The following GNB1 variants were observed in gnomAD, a reference collection of about 807,000 sequenced individuals.
GNB1 encodes G protein subunit beta 1.
Under a neutral mutation model 42.9 loss-of-function variants are expected in GNB1, and 2 were observed. The ratio of observed to expected loss-of-function variants is 0.05; its 90% CI spans 0.02 to 0.15. GNB1 has a LOEUF of 0.15. Among genes scored for constraint, GNB1 ranks in the 10% least tolerant of loss-of-function variants. GNB1 has a pLI of 1.00. For synonymous variants in GNB1, 183 were observed against 174.7 expected (o/e 1.05, Z -0.38); for missense variants, 193 against 462.2 (o/e 0.42, Z 5.34).
intron 2 of GNB1, among the ~76,000 whole-genome samples, chr1:1,828,962 C>T (rs1647037581): frequency 6.6e-6 from 1 of 152,040 alleles, no homozygotes; most frequent in South Asian, 2.1e-4. Flanking sequence ...CCTCTTCAGT[C>T]CACACATAGA....
intron 3 of GNB1, among the ~76,000 whole-genome samples, chr1:1,824,408 T>G (rs1646969962): frequency 6.6e-6 from 1 of 152,050 alleles, no homozygotes; most frequent in Non-Finnish European, 1.5e-5. Context: ...GCCACTGCAC[T>G]CCAGCCTGGG....
chr1:1,890,045 G>A (rs1650390359), intron 1 of GNB1, among the ~76,000 whole-genome samples: 1 of 152,022 alleles, frequency 6.6e-6, no homozygotes, highest in Admixed American at 6.5e-5. Context: ...CGGTGGGAGC[G>A]CCATCTTGGC....
At position 1,852,686 on chromosome 1, in the gene GNB1, G is replaced by GAAA. The variant is rs796226364; in HGVS notation, c.-95-13451_-95-13449dup. On this transcript the variant is annotated intron_variant, in intron 1 of 11. Transcript: ENST00000378609. Reference sequence around the variant, plus strand: ...GCAACAGTGAGACTCTGTCTCTTAAGAAAAAAAAAAAAAAGTGAATGTCTT... The same window carrying GAAA: ...GCAACAGTGAGACTCTGTCTCTTAAGAAAAAAAAAAAAAAAAAGTGAATGTCTT... 8.6e-3 allele frequency among the ~76,000 whole-genome samples: 1,140 copies of GAAA among 132,186 alleles called. 17 individuals carry two copies. The highest frequency in any genetic ancestry group is 0.031 in the African/African-American group (1,096 of 35,830). The allele number at this position is 132,186 out of a possible 152,430, so 86.7% of individuals were successfully genotyped here.
intron 1 of GNB1, among the ~76,000 whole-genome samples, chr1:1,865,200 G>A (rs1312248432): frequency 7.0e-6 from 1 of 143,444 alleles, no homozygotes; most frequent in Non-Finnish European, 1.5e-5. Flanking sequence ...AGGCAGAGGT[G>A]GCAGTGAGCA....
At chr1:1,879,843 T>C (rs1649745802) in intron 1 of GNB1, among the ~76,000 whole-genome samples, 1 of 152,184 alleles carries the variant, frequency 6.6e-6, no homozygotes, top group Non-Finnish European at 1.5e-5. Flanking sequence ...CTCAGCCTGA[T>C]GCAATACACA....
At chr1:1,789,618 G>A (rs553572214) in intron 9 of GNB1, among the ~76,000 whole-genome samples, 1 of 151,974 alleles carries the variant, frequency 6.6e-6, no homozygotes, top group Non-Finnish European at 1.5e-5. Flanking sequence ...CTTGAAACCG[G>A]GAGGCGGCGG....
intron 7 of GNB1, among the ~76,000 whole-genome samples, chr1:1,799,570 CCCAGCGATGG>C (rs1449919913): frequency 6.6e-6 from 1 of 152,174 alleles, no homozygotes; most frequent in East Asian, 1.9e-4. Flanking sequence ...TGGCTGGACT[CCCAGCGATGG>C]CCAGGGGCTC....
At chr1:1,795,663 G>A (rs1646536490) in intron 7 of GNB1, among the ~76,000 whole-genome samples, 2 of 152,240 alleles carry the variant, frequency 1.3e-5, no homozygotes, top group Middle Eastern at 3.4e-3. Flanking sequence ...TGAGGCAGGA[G>A]AATCGCTTGA....
chr1:1,880,988 C>T (rs1268165609), intron 1 of GNB1, among the ~76,000 whole-genome samples: 2 of 149,954 alleles, frequency 1.3e-5, no homozygotes, highest in East Asian at 3.9e-4. Context: ...GGAAGGGATA[C>T]ATGACAAATG....
At chr1:1,825,537 T>C (rs1490567759) in intron 2 of GNB1, 38 bp from the exon 3 acceptor site, 2 of 1,023,170 alleles carry the variant, frequency 2.0e-6, no homozygotes, top group African/African-American at 1.6e-5. Flanking sequence ...TAAACAACTG[T>C]TGGATAATTT....
chr1:1,802,232 CAT>C (rs1478442805), intron 7 of GNB1, among the ~76,000 whole-genome samples: 2 of 152,080 alleles, frequency 1.3e-5, no homozygotes, highest in Non-Finnish European at 2.9e-5. Flanking sequence ...AACAAAAACA[CAT>C]ATCATTCCCA....
intron 3 of GNB1, chr1:1,824,998 ACT>A (rs889784552): frequency 6.1e-6 from 1 of 163,584 alleles, no homozygotes. Context: ...TACCTGAAAT[ACT>A]TTTTTTATTG....
intron 1 of GNB1, among the ~76,000 whole-genome samples, chr1:1,874,463 C>G (rs535128967): frequency 6.6e-6 from 1 of 151,790 alleles, no homozygotes; most frequent in African/African-American, 2.4e-5. Context: ...CAGAGAAAGC[C>G]GGGCGTGGCG....
intron 1 of GNB1, among the ~76,000 whole-genome samples, chr1:1,877,732 A>G (rs1013675290): frequency 2.0e-4 from 31 of 152,284 alleles, no homozygotes; most frequent in African/African-American, 7.0e-4. Flanking sequence ...ATCTCCAGAG[A>G]AAGGATAGGA....
In GNB1 at chr1:1,786,735, C is replaced by T. The variant is rs1646411845; in HGVS notation, c.*328G>A. ...CTGGTGGAAAAGTGTGTCTGTCTGACAATTACACTCAAGTTTACCTTCTGG... is the reference window on the plus strand; with the variant it reads ...CTGGTGGAAAAGTGTGTCTGTCTGATAATTACACTCAAGTTTACCTTCTGG... On this transcript the variant is annotated 3_prime_UTR_variant, in exon 12 of 12. Transcript: ENST00000378609. 1 of 152,226 alleles carries T rather than the reference C, an allele frequency of 6.6e-6. No individual in the cohort carries two copies. Among genetic ancestry groups the T allele is most frequent in the Non-Finnish European group, 1.5e-5 (1 of 68,054 alleles). The allele number at this position is 152,226 out of a possible 1,614,324, so 9.4% of individuals were successfully genotyped here.
intron 1 of GNB1, among the ~76,000 whole-genome samples, chr1:1,880,303 TTAATATGATTATG>T (rs1649769901): frequency 6.6e-6 from 1 of 152,206 alleles, no homozygotes; most frequent in Non-Finnish European, 1.5e-5. Flanking sequence ...AAATAACATC[TTAATATGATTATG>T]AAGGCCGGAC....
At chr1:1,870,838 T>G (rs1649207591) in intron 1 of GNB1, among the ~76,000 whole-genome samples, 1 of 152,070 alleles carries the variant, frequency 6.6e-6, no homozygotes, top group Non-Finnish European at 1.5e-5. Flanking sequence ...CTCGGGAGGC[T>G]GAGGCAGGAG....
chr1:1,817,906 A>C, intron 3 of GNB1, 31 bp from the exon 4 acceptor site: 1 of 1,567,734 alleles, frequency 6.4e-7, no homozygotes, highest in Non-Finnish European at 8.8e-7. Flanking sequence ...GAAATTAGCA[A>C]CCTTTCAGAT....
intron 4 of GNB1, 141 bp from the exon 5 acceptor site, chr1:1,816,003 T>G: frequency 1.5e-6 from 1 of 652,942 alleles, no homozygotes; most frequent in Non-Finnish European, 2.8e-6. Flanking sequence ...TGGCTTCCAC[T>G]GTGGCATTCT....
Sources: gnomAD v4.1 joint callset for allele counts (sites outside exome capture counted in the v4.1 genomes callset) on GRCh38, gnomAD v4.1.1 for gene constraint, MANE v1.5 for transcripts, NCBI Gene and HGNC (gene_info 2026-07-23, HGNC 2026-07-21) for gene names.